DLGAP1: variants seen among roughly 807,000 people sequenced by gnomAD.
DLGAP1 encodes the protein DLG associated protein 1, also known as disks large-associated protein 1.
DLGAP1 carries 11 observed loss-of-function variants against 90.8 expected under a neutral mutation model. The observed-to-expected ratio is 0.12, with a 90% confidence interval of 0.08 to 0.20. DLGAP1 has a LOEUF of 0.20. Ranked by LOEUF, DLGAP1 falls within the 10% of genes least tolerant of loss-of-function variation. The pLI, the probability that DLGAP1 is intolerant of heterozygous loss-of-function variation, is 1.00. For missense variants in DLGAP1, 1,050 were observed against 1,333.8 expected (o/e 0.79, Z 3.31); for synonymous variants, 558 against 540.7 (o/e 1.03, Z -0.44).
intron 1 of DLGAP1, among the ~76,000 whole-genome samples, chr18:4,241,597 G>T (rs899924809): frequency 6.6e-6 from 1 of 152,214 alleles, no homozygotes; most frequent in Non-Finnish European, 1.5e-5. Flanking sequence ...TTACATGGAT[G>T]AAGGAGGAAA....
At position 4,133,369 on chromosome 18, in the gene DLGAP1, A is replaced by C. The variant is rs142400198; in HGVS notation, c.-159+17811T>G. 8.0e-3 allele frequency among the ~76,000 whole-genome samples: 1,223 copies of C among 152,322 alleles called. 12 individuals are homozygous for C. Among genetic ancestry groups the C allele is most frequent in the Middle Eastern group, 0.048 (14 of 294 alleles). Reference sequence around the variant, plus strand: ...ATCCATTCACCATTTGCCTATCAGAACTATTTAGTAAAATAAAATCTGATC... The same window carrying C: ...ATCCATTCACCATTTGCCTATCAGACCTATTTAGTAAAATAAAATCTGATC... On this transcript the variant is annotated intron_variant, in intron 2 of 12. Coordinates refer to ENST00000315677, the MANE Select transcript of DLGAP1 (RefSeq NM_004746.4).
chr18:3,726,134 TGTGA>T (rs1324137203), intron 7 of DLGAP1, among the ~76,000 whole-genome samples: 10 of 152,128 alleles, frequency 6.6e-5, no homozygotes, highest in Non-Finnish European at 1.0e-4. Context: ...CAACATCTGT[TGTGA>T]GTATCTGAAA....
At chr18:3,836,876 T>G (rs1411850348) in intron 4 of DLGAP1, among the ~76,000 whole-genome samples, 1 of 152,230 alleles carries the variant, frequency 6.6e-6, no homozygotes, top group South Asian at 2.1e-4. Flanking sequence ...TGTTTTCTTT[T>G]GAAGAGCGTG....
intron 1 of DLGAP1, among the ~76,000 whole-genome samples, chr18:4,215,463 C>A (rs1161735123): frequency 6.6e-6 from 1 of 152,260 alleles, no homozygotes; most frequent in African/African-American, 2.4e-5. Context: ...CGGCGTATCT[C>A]ATATGATCCA....
chr18:4,230,373 A>G (rs1184864686), intron 1 of DLGAP1, among the ~76,000 whole-genome samples: 4 of 152,124 alleles, frequency 2.6e-5, no homozygotes, highest in African/African-American at 7.2e-5. Context: ...CAATAGACAA[A>G]TTTTGGAAAC....
At chr18:3,902,510 C>A (rs1568290120) in intron 3 of DLGAP1, among the ~76,000 whole-genome samples, 1 of 152,028 alleles carries the variant, frequency 6.6e-6, no homozygotes, top group Non-Finnish European at 1.5e-5. Flanking sequence ...AATCTCTCTT[C>A]CATCTTCTCT....
At chr18:3,863,818 C>T (rs2070230163) in intron 4 of DLGAP1, among the ~76,000 whole-genome samples, 1 of 152,246 alleles carries the variant, frequency 6.6e-6, no homozygotes, top group Admixed American at 6.5e-5. Flanking sequence ...TAGGAAGCAG[C>T]TCCCTGCTCT....
chr18:3,657,991 G>T (rs1393545818), intron 7 of DLGAP1, among the ~76,000 whole-genome samples: 4 of 152,132 alleles, frequency 2.6e-5, no homozygotes, highest in African/African-American at 9.7e-5. Flanking sequence ...TCATTCAGTT[G>T]CATCTCAGTT....
chr18:4,289,267 C>A (rs1022094563), intron 1 of DLGAP1, among the ~76,000 whole-genome samples: 1 of 152,114 alleles, frequency 6.6e-6, no homozygotes, highest in African/African-American at 2.4e-5. Flanking sequence ...CAGCATTCTG[C>A]GAAGGGTGAA....
intron 6 of DLGAP1, among the ~76,000 whole-genome samples, chr18:3,736,548 A>G (rs2062646589): frequency 6.6e-6 from 1 of 152,224 alleles, no homozygotes; most frequent in Non-Finnish European, 1.5e-5. Context: ...CTATAGTATT[A>G]TAGCTTCTAC....
intron 1 of DLGAP1, chr18:4,430,445 TAC>T (rs55947107): frequency 0.035 from 5,385 of 152,036 alleles, 134 homozygotes; most frequent in South Asian, 0.099. Context: ...AATCTGAAAA[TAC>T]AGATTCTTTG....
rs371733146 is a variant in DLGAP1, at chr18:3,745,360, C to T, written c.1173-2848G>A. Among the ~76,000 whole-genome samples the T allele has an allele frequency of 8.5e-5, 13 of 152,246 alleles. No homozygotes were observed. In the East Asian group the frequency reaches 2.5e-3, roughly 29 times the overall value. Reference sequence around the variant, plus strand: ...ATTATATGTTATGTGTATTATATTTCCACAAAACCGTTGTAAAAAATTACG... The same window carrying T: ...ATTATATGTTATGTGTATTATATTTTCACAAAACCGTTGTAAAAAATTACG... On this transcript the variant is annotated intron_variant, in intron 5 of 12. Transcript: ENST00000315677.
intron 7 of DLGAP1, among the ~76,000 whole-genome samples, chr18:3,705,938 C>T (rs1334276488): frequency 1.3e-5 from 2 of 150,184 alleles, no homozygotes; most frequent in South Asian, 2.1e-4. Context: ...GGATTACAGG[C>T]GTGAGCCACC....
At chr18:3,639,794 G>C (rs536627080) in intron 7 of DLGAP1, among the ~76,000 whole-genome samples, 2 of 122,366 alleles carry the variant, frequency 1.6e-5, no homozygotes, top group African/African-American at 7.0e-5. Context: ...TTGCTCTGTC[G>C]CCCAGGCTGG....
intron 3 of DLGAP1, among the ~76,000 whole-genome samples, chr18:3,994,926 C>T (rs7234096): frequency 0.63 from 95,606 of 152,006 alleles, 30,239 homozygotes; most frequent in East Asian, 0.74. Context: ...AAATTCATTG[C>T]ATATTTAAAA....
intron 3 of DLGAP1, among the ~76,000 whole-genome samples, chr18:3,949,539 C>T (rs1182888744): frequency 6.6e-6 from 1 of 152,140 alleles, no homozygotes; most frequent in Non-Finnish European, 1.5e-5. Flanking sequence ...TCTTAAATCA[C>T]GTGATGTGGG....
chr18:4,185,091 G>A (rs2077268945), intron 1 of DLGAP1, among the ~76,000 whole-genome samples: 1 of 152,068 alleles, frequency 6.6e-6, no homozygotes, highest in Non-Finnish European at 1.5e-5. Context: ...GCCCTCGACA[G>A]TGTCTGTTAA....
At chr18:3,897,578 A>G (rs2071657689) in intron 3 of DLGAP1, among the ~76,000 whole-genome samples, 1 of 152,192 alleles carries the variant, frequency 6.6e-6, no homozygotes, top group Non-Finnish European at 1.5e-5. Context: ...TGATGATGGT[A>G]TCATGTCTTA....
At chr18:3,980,101 G>A (rs565902267) in intron 3 of DLGAP1, among the ~76,000 whole-genome samples, 7 of 152,084 alleles carry the variant, frequency 4.6e-5, no homozygotes, top group East Asian at 3.9e-4. Flanking sequence ...GTGCCATTGC[G>A]CTCCAGCCTG....
Sources: allele counts gnomAD v4.1 joint callset (sites outside exome capture counted in the v4.1 genomes callset), GRCh38; gene constraint gnomAD v4.1.1; transcripts MANE v1.5; gene names NCBI Gene and HGNC (gene_info 2026-07-23, HGNC 2026-07-21).